CHD6: variants seen among roughly 807,000 people sequenced by gnomAD.
CHD6 encodes chromodomain helicase DNA binding protein 6.
CHD6 carries 50 observed loss-of-function variants against 276.9 expected under a neutral mutation model. The observed-to-expected ratio is 0.18, with a 90% CI of 0.14 to 0.23. The LOEUF (loss-of-function observed/expected upper bound fraction) is 0.23. Among genes scored for constraint, CHD6 ranks in the 10% least tolerant of loss-of-function variants. The probability of loss-of-function intolerance (pLI) is 1.00; values close to 1 mark genes in which losing one functional copy is unlikely to be tolerated. For synonymous variants in CHD6, 1,173 were observed against 1,229.3 expected, an observed-to-expected ratio of 0.95 and a Z score of 0.96; for missense variants, 2,564 against 3,365.8, an observed-to-expected ratio of 0.76 and a Z score of 5.89.
intron 1 of CHD6, among the ~76,000 whole-genome samples, chr20:41,574,575 T>G (rs1384078838): frequency 1.3e-5 from 2 of 152,120 alleles, no homozygotes; most frequent in African/African-American, 4.8e-5. Flanking sequence ...AACCTTATGA[T>G]GAAATACTAA....
chr20:41,445,885 T>C (rs146697872), intron 24 of CHD6, 117 bp from the exon 25 acceptor site: 3 of 634,290 alleles, frequency 4.7e-6, no homozygotes, highest in African/African-American at 1.8e-5. Context: ...ACAAAAGGGT[T>C]AGGAAGGCTG....
chr20:41,423,722 A>G (rs905867291), intron 29 of CHD6, 22 bp from the exon 30 acceptor site: 10 of 1,591,994 alleles, frequency 6.3e-6, no homozygotes, highest in African/African-American at 1.3e-5. Flanking sequence ...ATCAGAAAGG[A>G]AGAGTGAGCT....
At chr20:41,531,057 C>T (rs1485195818) in intron 3 of CHD6, among the ~76,000 whole-genome samples, 1 of 152,242 alleles carries the variant, frequency 6.6e-6, no homozygotes, top group Non-Finnish European at 1.5e-5. Context: ...TGGCATCCAA[C>T]ACTTTGTTAA....
At chr20:41,520,794 C>T (rs942362087) in intron 3 of CHD6, among the ~76,000 whole-genome samples, 1 of 151,846 alleles carries the variant, frequency 6.6e-6, no homozygotes, top group Non-Finnish European at 1.5e-5. Context: ...ATGTTCTGCA[C>T]ACGTACCCTA....
intron 23 of CHD6, among the ~76,000 whole-genome samples, chr20:41,450,349 T>C (rs1262563623): frequency 2.6e-5 from 4 of 152,202 alleles, no homozygotes; most frequent in Admixed American, 1.3e-4. Flanking sequence ...GTCAGATACA[T>C]TGCACAGTGG....
At chr20:41,612,237 T>C (rs2045894339) in intron 1 of CHD6, among the ~76,000 whole-genome samples, 1 of 152,224 alleles carries the variant, frequency 6.6e-6, no homozygotes, top group Non-Finnish European at 1.5e-5. Context: ...TCTGCAGGAA[T>C]CTGTAGACTA....
intron 2 of CHD6, among the ~76,000 whole-genome samples, chr20:41,537,118 T>A (rs1403115144): frequency 1.3e-5 from 2 of 152,204 alleles, no homozygotes; most frequent in African/African-American, 4.8e-5. Context: ...ATATTTTATG[T>A]GAAATATAGT....
chr20:41,485,684 G>A (rs1216271049), intron 14 of CHD6: 1 of 152,006 alleles, frequency 6.6e-6, no homozygotes, highest in East Asian at 1.9e-4. Flanking sequence ...GGTTACCAGG[G>A]ACTGGGGGGT....
chr20:41,420,607 A>G lies in CHD6; in HGVS notation c.6028T>C (p.Phe2010Leu). 6.2e-7 allele frequency: 1 copy of G among 1,614,232 alleles called. No individual in the cohort carries two copies. Among genetic ancestry groups the G allele is most frequent in the East Asian group, 2.2e-5 (1 of 44,890 alleles). ...CTTCCTTCAAGAGGATATGTGGGGA[A>G]AACGTTTTGCCCCTCTGCACTTTCT... ...WKESAEGQNV[F>L]PTYPLEGSEL... Residue 2010 changes from phenylalanine (F) to leucine (L), a missense_variant, in exon 31 of 37, where the codon TTC (phenylalanine) becomes CTC (leucine). Physicochemically the swap from Phe to Leu is conservative, Grantham distance 22. Transcript: ENST00000373233.
chr20:41,571,061 A>G (rs570961697), intron 1 of CHD6, among the ~76,000 whole-genome samples: 2 of 152,212 alleles, frequency 1.3e-5, no homozygotes, highest in Admixed American at 6.5e-5. Context: ...ACAAGTCTAC[A>G]GTTGTTGTTA....
chr20:41,555,158 C>A (rs1443920615), intron 1 of CHD6, among the ~76,000 whole-genome samples: 2 of 137,466 alleles, frequency 1.5e-5, no homozygotes, highest in Non-Finnish European at 3.1e-5. Flanking sequence ...GGCAGAGGGG[C>A]TCCTCACTTC....
At chr20:41,450,795 G>T in intron 23 of CHD6, 151 bp downstream of exon 23, 1 of 730,642 alleles carries the variant, frequency 1.4e-6, no homozygotes, top group Non-Finnish European at 2.3e-6. Context: ...TGAATTCTGA[G>T]CCAGCTTAGA....
intron 16 of CHD6, among the ~76,000 whole-genome samples, chr20:41,475,049 A>T (rs1195510578): frequency 6.6e-6 from 1 of 152,230 alleles, no homozygotes; most frequent in African/African-American, 2.4e-5. Flanking sequence ...CAGACTAAAA[A>T]GATTTTGTGT....
intron 5 of CHD6, among the ~76,000 whole-genome samples, chr20:41,503,690 C>T (rs1265185778): frequency 6.6e-6 from 1 of 152,066 alleles, no homozygotes; most frequent in African/African-American, 2.4e-5. Flanking sequence ...TGGTTGATAT[C>T]TTCCATCAGT....
At chr20:41,518,316 G>A (rs2044301099) in intron 3 of CHD6, among the ~76,000 whole-genome samples, 1 of 152,208 alleles carries the variant, frequency 6.6e-6, no homozygotes. Flanking sequence ...CCACATGCTA[G>A]AATCATGTGC....
chr20:41,519,830 T>G (rs2044343033), intron 3 of CHD6, among the ~76,000 whole-genome samples: 1 of 152,170 alleles, frequency 6.6e-6, no homozygotes, highest in African/African-American at 2.4e-5. Context: ...AAATGGGATC[T>G]AATTAAACTA....
chr20:41,519,570 C>A lies in CHD6; in HGVS notation c.555-4618G>T, dbSNP rs549490799. On this transcript the variant is annotated intron_variant, in intron 3 of 36. Transcript: ENST00000373233. ...AATTAAGAAAGAATTCTACAAACTG[C>A]AGGAAACAATTCCCTATTTAATAAA... is the stretch of plus-strand genomic sequence containing the variant. Among the ~76,000 whole-genome samples, 155 of 152,122 alleles carry A rather than the reference C, an allele frequency of 1.0e-3. 1 individual carries two copies. The highest frequency in any genetic ancestry group is 3.5e-3 in the African/African-American group (146 of 41,522).
chr20:41,441,688 T>C (rs2047907093), intron 25 of CHD6, among the ~76,000 whole-genome samples: 2 of 152,200 alleles, frequency 1.3e-5, no homozygotes, highest in African/African-American at 4.8e-5. Context: ...GTATTTTTAT[T>C]TCTCAATTAG....
intron 17 of CHD6, among the ~76,000 whole-genome samples, chr20:41,459,676 C>T (rs1467242009): frequency 6.6e-6 from 1 of 152,334 alleles, no homozygotes; most frequent in Non-Finnish European, 1.5e-5. Context: ...GTAAGAACAG[C>T]CTTTCGCCTC....
Sources: allele counts gnomAD v4.1 joint callset (sites outside exome capture counted in the v4.1 genomes callset), GRCh38; gene constraint gnomAD v4.1.1; transcripts MANE v1.5; gene names NCBI Gene and HGNC (gene_info 2026-07-23, HGNC 2026-07-21).